Variants in TRPM8 observed in about 807,000 individuals in gnomAD.
TRPM8 encodes the protein TRPM8 cationic channel.
Under a neutral mutation model 133.7 loss-of-function variants are expected in TRPM8, and 110 were observed. That is an observed-to-expected ratio of 0.82 (90% CI 0.70 to 0.96). The LOEUF is 0.96. Among genes scored for constraint, TRPM8 ranks in the 40% least tolerant of loss-of-function variants. TRPM8 has a pLI of 0.00. For synonymous variants in TRPM8, 535 were observed against 532.3 expected (o/e 1.01, Z -0.07); for missense variants, 1,291 against 1,379.5 (o/e 0.94, Z 1.02).
chr2:233,985,587 AC>A, intron 20 of TRPM8, 100 bp from the exon 21 acceptor site: 1 of 1,155,690 alleles, frequency 8.7e-7, no homozygotes, highest in Non-Finnish European at 1.3e-6. Context: ...AAGGCCTAAG[AC>A]ATTTCATGAC....
intron 7 of TRPM8, among the ~76,000 whole-genome samples, chr2:233,946,699 C>A (rs1691050671): frequency 6.6e-6 from 1 of 152,184 alleles, no homozygotes; most frequent in Non-Finnish European, 1.5e-5. Flanking sequence ...ACTATATATG[C>A]AATAAACTGT....
intron 8 of TRPM8, 90 bp downstream of exon 8, chr2:233,947,245 C>G: frequency 6.3e-7 from 1 of 1,581,170 alleles, no homozygotes; most frequent in African/African-American, 1.3e-5. Context: ...TCTAATCTAA[C>G]CTAATTGATT....
chr2:234,017,618 C>CCTG lies in TRPM8; in HGVS notation c.*362_*363insCTG. 5.0e-6 allele frequency: 1 copy of CCTG among 201,520 alleles called. No individual in the cohort carries two copies. The highest frequency in any genetic ancestry group is 1.4e-4 in the East Asian group (1 of 7,030). The allele number at this position is 201,520 out of a possible 1,614,324, so 12.5% of individuals were successfully genotyped here. On this transcript the variant is annotated 3_prime_UTR_variant, in exon 26 of 26. Coordinates refer to ENST00000324695, the MANE Select transcript of TRPM8 (RefSeq NM_024080.5). ...ACACATATATAGGAGAACATCTATC[C>CCTG]TATGAATAAGAACCTGGTCATGCTT... is the stretch of plus-strand genomic sequence containing the variant.
intron 17 of TRPM8, among the ~76,000 whole-genome samples, chr2:233,975,458 T>C (rs1339906988): frequency 1.3e-5 from 2 of 152,218 alleles, no homozygotes; most frequent in African/African-American, 4.8e-5. Context: ...AAAGTCTTTT[T>C]TCTGCTACTT....
intron 6 of TRPM8, 133 bp downstream of exon 6, chr2:233,942,881 C>G: frequency 1.0e-6 from 1 of 984,098 alleles, no homozygotes; most frequent in Non-Finnish European, 1.6e-6. Context: ...CAAGGAGTGC[C>G]TTTGGGACCT....
chr2:233,967,183 G>A (rs941287737), intron 15 of TRPM8, among the ~76,000 whole-genome samples: 2 of 152,232 alleles, frequency 1.3e-5, no homozygotes, highest in Admixed American at 1.3e-4. Flanking sequence ...TATGTGAAAG[G>A]TGTTGGTCCT....
rs1692054552 is a variant in TRPM8 at position 233,983,157 on chromosome 2, G to A, written c.2694G>A (p.Trp898Ter). ...GGCAGAATGAGCAGCGCTGGAGGTG[G>A]ATATTCCGTTCGGTCATCTACGAGC... is the stretch of plus-strand genomic sequence containing the variant. Reference protein sequence around the residue: ...ILRQNEQRWRWIFRSVIYEPY... With the variant: ...ILRQNEQRWR Residue 898 changes from tryptophan to a stop codon, truncating the protein, a stop_gained, in exon 20 of 26, where the codon TGG (tryptophan) becomes TGA (stop). Coordinates refer to ENST00000324695, the MANE Select transcript of TRPM8 (RefSeq NM_024080.5). LOFTEE classifies it high-confidence loss of function. 1.2e-6 allele frequency: 2 copies of A among 1,614,070 alleles called. No homozygotes were observed. The highest frequency in any genetic ancestry group is 1.7e-6 in the Non-Finnish European group (2 of 1,180,046).
rs188893360 is a variant in TRPM8, at chr2:233,971,831, A to G, written c.2355+1405A>G. Among the ~76,000 whole-genome samples, 17 of 151,958 alleles carry G rather than the reference A, an allele frequency of 1.1e-4. No individual in the cohort carries two copies. In the East Asian group the frequency reaches 3.3e-3, roughly 30 times the overall value. ...TAGAGCGAAAGAACAAAGCTTCCAC[A>G]CTGTGGAAGGGGACCCCAGCAGGTT... is the stretch of plus-strand genomic sequence containing the variant. On this transcript the variant is annotated intron_variant, in intron 17 of 25. Transcript: ENST00000324695.
At chr2:233,978,198 AGTGT>A (rs59259744) in intron 17 of TRPM8, among the ~76,000 whole-genome samples, 4,383 of 146,066 alleles carry the variant, frequency 0.03, 82 homozygotes, top group African/African-American at 0.044. Context: ...GGAATATTAT[AGTGT>A]GTGTGTGTGT....
intron 17 of TRPM8, among the ~76,000 whole-genome samples, chr2:233,975,905 A>AAAAC (rs747645868): frequency 6.2e-5 from 8 of 128,774 alleles, no homozygotes; most frequent in Non-Finnish European, 1.4e-4. Context: ...CAAAACAAAA[A>AAAAC]CAAATGAACA....
In TRPM8 at chr2:233,963,287, G is replaced by A. The variant is rs568957487; in HGVS notation, c.1659G>A (p.Val553=). Residue 553 remains valine (V), a synonymous_variant, in exon 13 of 26, where the codon GTG becomes GTA. Coordinates refer to ENST00000324695, the MANE Select transcript of TRPM8 (RefSeq NM_024080.5). The part of the protein sequence containing the change: ...RDEMDIELHD[V]SPITRHPLQA... Reference sequence around the variant, plus strand: ...CACATGCTCTAACCCCCCAGGACGTGTCTCCTATTACTCGGCACCCCCTGC... The same window carrying A: ...CACATGCTCTAACCCCCCAGGACGTATCTCCTATTACTCGGCACCCCCTGC... 1.1e-5 allele frequency: 18 copies of A among 1,611,602 alleles called. No homozygotes were observed. In the South Asian group the frequency reaches 1.7e-4, roughly 15 times the overall value.
chr2:233,943,389 C>CA (rs1690965965), intron 6 of TRPM8, among the ~76,000 whole-genome samples: 1 of 151,932 alleles, frequency 6.6e-6, no homozygotes, highest in South Asian at 2.1e-4. Flanking sequence ...TATGCAGCCA[C>CA]AAAAAATGAT....
intron 25 of TRPM8, among the ~76,000 whole-genome samples, chr2:234,015,838 T>G (rs1404492122): frequency 6.6e-6 from 1 of 152,234 alleles, no homozygotes; most frequent in Admixed American, 6.5e-5. Context: ...CTATTAAACC[T>G]TATAATAAAT....
chr2:233,983,234 A>T lies in TRPM8; in HGVS notation c.2761+10A>T. 6.2e-7 allele frequency: 1 copy of T among 1,613,986 alleles called. No individual in the cohort carries two copies. Among genetic ancestry groups the T allele is most frequent in the African/African-American group, 1.3e-5 (1 of 75,020 alleles). On this transcript the variant is annotated intron_variant, in intron 20 of 25. Coordinates refer to ENST00000324695, the MANE Select transcript of TRPM8 (RefSeq NM_024080.5). ...CCCAGTGACGTGGATGGTAAGCCTG[A>T]CTTGGCTCAGATGGAAACAGCTTGG...
intron 2 of TRPM8, among the ~76,000 whole-genome samples, chr2:233,927,860 C>CTTTTTCTT (rs1553653795): frequency 3.7e-4 from 9 of 24,120 alleles, no homozygotes; most frequent in Admixed American, 5.4e-4. Context: ...TCCTTTCTTT[C>CTTTTTCTT]TCTTTCTTTC....
intron 17 of TRPM8, among the ~76,000 whole-genome samples, chr2:233,978,742 AAGAG>A (rs1304026228): frequency 1.3e-5 from 2 of 152,176 alleles, no homozygotes; most frequent in Admixed American, 6.5e-5. Flanking sequence ...CTGAATAAAA[AAGAG>A]AGAGAGTTTA....
intron 8 of TRPM8, chr2:233,947,513 C>A (rs1359194071): frequency 7.6e-7 from 1 of 1,308,366 alleles, no homozygotes; most frequent in East Asian, 5.2e-5. Context: ...ATCATACACA[C>A]ACAGATTGCC....
intron 1 of TRPM8, among the ~76,000 whole-genome samples, chr2:233,917,947 G>A (rs1691334328): frequency 6.6e-6 from 1 of 152,136 alleles, no homozygotes; most frequent in African/African-American, 2.4e-5. Context: ...TACATACTGT[G>A]TTTCCTTCCG....
In TRPM8 at chr2:233,989,807, G is replaced by A. The variant is rs746102883; in HGVS notation, c.2939+3942G>A. ...CTACATTAAAATTATCGATCACAGG[G>A]CCTGTGTGGCTTATCAGCGGCAGGA... On this transcript the variant is annotated intron_variant, in intron 21 of 25. Coordinates refer to ENST00000324695, the MANE Select transcript of TRPM8 (RefSeq NM_024080.5). The surrounding 1 kb of genome is among the most constrained non-coding windows in gnomAD (Gnocchi z 4.2). 6.6e-6 allele frequency among the ~76,000 whole-genome samples: 1 copy of A among 152,134 alleles called. No individual in the cohort carries two copies. Among genetic ancestry groups the A allele is most frequent in the Non-Finnish European group, 1.5e-5 (1 of 68,028 alleles).
Sources: gnomAD v4.1 joint callset for allele counts (sites outside exome capture counted in the v4.1 genomes callset) on GRCh38, gnomAD v4.1.1 for gene constraint, Gnocchi (gnomAD v3.1) non-coding constraint, MANE v1.5 for transcripts, NCBI Gene and HGNC (gene_info 2026-07-23, HGNC 2026-07-21) for gene names.